The following GPR63 variants were observed in gnomAD, a reference collection of about 807,000 sequenced individuals.
GPR63 encodes the protein G protein-coupled receptor 63.
In GPR63, 12 loss-of-function variants were observed where a neutral mutation model predicts 23.1. The observed-to-expected ratio is 0.52, with a 90% CI of 0.33 to 0.84. GPR63 has a LOEUF of 0.84. GPR63 is among the 40% of genes least tolerant of loss of function. GPR63 has a pLI of 0.02. For missense variants in GPR63, 472 were observed against 515.6 expected (o/e 0.92, Z 0.82); for synonymous variants, 172 against 191.1 (o/e 0.90, Z 0.82).
At chr6:96,801,808 G>C (rs1423358210) in intron 1 of GPR63, among the ~76,000 whole-genome samples, 3 of 152,056 alleles carry the variant, frequency 2.0e-5, no homozygotes, top group Non-Finnish European at 4.4e-5. Context: ...AAACATACCT[G>C]GATAAGATGC....
intron 1 of GPR63, among the ~76,000 whole-genome samples, chr6:96,822,112 A>G (rs942808721): frequency 3.3e-5 from 5 of 152,182 alleles, no homozygotes; most frequent in Non-Finnish European, 7.4e-5. Context: ...TGTAAATGTA[A>G]TGCATTACCA....
chr6:96,803,066 A>G (rs747696022), intron 1 of GPR63, among the ~76,000 whole-genome samples: 3 of 152,194 alleles, frequency 2.0e-5, no homozygotes, highest in Admixed American at 1.3e-4. Flanking sequence ...TCTGTGGCAC[A>G]ACTGAACCTG....
chr6:96,800,910 CA>C (rs1008306897), intron 1 of GPR63, among the ~76,000 whole-genome samples: 1 of 152,136 alleles, frequency 6.6e-6, no homozygotes, highest in African/African-American at 2.4e-5. Context: ...TAGCTTGCTC[CA>C]AAAAGTTTCT....
intron 1 of GPR63, among the ~76,000 whole-genome samples, chr6:96,810,984 C>T (rs539836514): frequency 6.6e-6 from 1 of 152,180 alleles, no homozygotes; most frequent in South Asian, 2.1e-4. Flanking sequence ...AGCTGTGTAT[C>T]CTAAAGTTGC....
intron 1 of GPR63, among the ~76,000 whole-genome samples, chr6:96,821,212 C>T (rs1774305281): frequency 6.6e-6 from 1 of 152,220 alleles, no homozygotes; most frequent in Non-Finnish European, 1.5e-5. Flanking sequence ...CAAGTATTGA[C>T]ACATAGTGCT....
At chr6:96,821,561 T>C (rs1481287098) in intron 1 of GPR63, among the ~76,000 whole-genome samples, 2 of 152,244 alleles carry the variant, frequency 1.3e-5, no homozygotes, top group Non-Finnish European at 2.9e-5. Flanking sequence ...CTTACTCAAC[T>C]TTCTAGGAAT....
rs1423767693 is a variant in GPR63, at chr6:96,794,239, GGTT to G, written c.*4230_*4232del. The G allele has an allele frequency of 2.6e-5, 4 of 151,728 alleles. No homozygotes were observed. The highest frequency in any genetic ancestry group is 4.4e-5 in the Non-Finnish European group (3 of 67,916). 9.4% of individuals were successfully genotyped at this position (151,728 alleles called of 1,614,324 possible). ...TTAAATATTAGAACCCATAATTCAA[GGTT>G]GTTTTTTTTTCCATACAGGTCAGTT... On this transcript the variant is annotated 3_prime_UTR_variant, in exon 2 of 2. Coordinates refer to ENST00000229955, the MANE Select transcript of GPR63 (RefSeq NM_030784.4).
At chr6:96,804,536 C>T (rs975705678) in intron 1 of GPR63, among the ~76,000 whole-genome samples, 1 of 152,084 alleles carries the variant, frequency 6.6e-6, no homozygotes, top group African/African-American at 2.4e-5. Context: ...TTTTAATATT[C>T]ATAAAATATG....
At chr6:96,833,394 C>T (rs1774641163) in intron 1 of GPR63, among the ~76,000 whole-genome samples, 1 of 152,228 alleles carries the variant, frequency 6.6e-6, no homozygotes, top group South Asian at 2.1e-4. Flanking sequence ...ATCTAAACTT[C>T]AGGCTTCTTT....
At position 96,809,546 on chromosome 6, in the gene GPR63, C is replaced by A. The variant is rs559562556; in HGVS notation, c.-150-9665G>T. 1.1e-4 allele frequency among the ~76,000 whole-genome samples: 16 copies of A among 152,156 alleles called. No homozygotes were observed. In the East Asian group the frequency reaches 2.7e-3, roughly 26 times the overall value. ...CATGTGTATATATAACCAAAAAATT[C>A]TTTCATGGTTCACTAAGTATGTTCT... On this transcript the variant is annotated intron_variant, in intron 1 of 1. Transcript: ENST00000229955.
chr6:96,837,247 G>GGATCGCGGGCCGGA (rs1480093223), intron 1 of GPR63, 21 bp downstream of exon 1: 6 of 152,188 alleles, frequency 3.9e-5, no homozygotes, highest in African/African-American at 9.7e-5. Context: ...CGCGGGCCGG[G>GGATCGCGGGCCGGA]GATCCCGAGC....
chr6:96,821,454 A>G (rs1033023228), intron 1 of GPR63, among the ~76,000 whole-genome samples: 9 of 150,982 alleles, frequency 6.0e-5, no homozygotes, highest in African/African-American at 2.2e-4. Context: ...TTTATTTCAG[A>G]AAAGTGACTT....
intron 1 of GPR63, among the ~76,000 whole-genome samples, chr6:96,830,499 A>C (rs1217602527): frequency 6.6e-6 from 1 of 152,196 alleles, no homozygotes; most frequent in African/African-American, 2.4e-5. Flanking sequence ...TCCAAGTGCT[A>C]AAACAGAGGT....
chr6:96,817,219 G>A (rs1460220262), intron 1 of GPR63, among the ~76,000 whole-genome samples: 1 of 151,942 alleles, frequency 6.6e-6, no homozygotes, highest in African/African-American at 2.4e-5. Context: ...TATCCAAACG[G>A]CCAAAACAAA....
At chr6:96,807,744 G>A (rs977776224) in intron 1 of GPR63, among the ~76,000 whole-genome samples, 5 of 152,146 alleles carry the variant, frequency 3.3e-5, no homozygotes, top group African/African-American at 1.2e-4. Context: ...AGTATTCAAA[G>A]GGGCAATCTG....
chr6:96,798,465 C>G lies in GPR63; in HGVS notation c.*7G>C, dbSNP rs368024652. 2.9e-5 allele frequency: 47 copies of G among 1,607,868 alleles called. No homozygotes were observed. The highest frequency in any genetic ancestry group is 4.0e-5 in the Non-Finnish European group (47 of 1,175,716). ...GCATCACCCAAAATGTCAGCCAGTT[C>G]CAATATTCACACCACCGTCCGATGT... On this transcript the variant is annotated 3_prime_UTR_variant, in exon 2 of 2. Coordinates refer to ENST00000229955, the MANE Select transcript of GPR63 (RefSeq NM_030784.4).
chr6:96,812,109 A>T (rs747410235), intron 1 of GPR63, among the ~76,000 whole-genome samples: 1 of 152,034 alleles, frequency 6.6e-6, no homozygotes, highest in African/African-American at 2.4e-5. Context: ...AGCTTATTTA[A>T]AGTTATTTTT....
chr6:96,795,057 C>A lies in GPR63; in HGVS notation c.*3415G>T, dbSNP rs2127936411. 1 of 152,292 alleles carries A rather than the reference C, an allele frequency of 6.6e-6. No individual in the cohort carries two copies. The allele number at this position is 152,292 out of a possible 1,614,324, so 9.4% of individuals were successfully genotyped here. A position where few individuals can be genotyped will look rare whatever the true frequency, so the allele number is the denominator to read the frequency against. Reference sequence around the variant, plus strand: ...TGTTTCCTGAAGAGTTTCCCAGGGACTACCTGAGCCAGAGTCAGGCAGAGT... The same window carrying A: ...TGTTTCCTGAAGAGTTTCCCAGGGAATACCTGAGCCAGAGTCAGGCAGAGT... On this transcript the variant is annotated 3_prime_UTR_variant, in exon 2 of 2. Transcript: ENST00000229955.
intron 1 of GPR63, among the ~76,000 whole-genome samples, chr6:96,824,376 A>G (rs771421120): frequency 6.6e-6 from 1 of 152,050 alleles, no homozygotes; most frequent in Admixed American, 6.6e-5. Flanking sequence ...ATCCTGCTAT[A>G]AAGCAGAATT....
Sources: allele counts gnomAD v4.1 joint callset (sites outside exome capture counted in the v4.1 genomes callset), GRCh38; gene constraint gnomAD v4.1.1; transcripts MANE v1.5; gene names NCBI Gene and HGNC (gene_info 2026-07-23, HGNC 2026-07-21).